HMCN1: variants seen among roughly 807,000 people sequenced by gnomAD.
HMCN1 encodes the protein hemicentin-1.
HMCN1 carries 321 observed loss-of-function variants against 625.9 expected under a neutral mutation model. The observed-to-expected ratio is 0.51, with a 90% CI of 0.47 to 0.56. The LOEUF (loss-of-function observed/expected upper bound fraction) is 0.56, where lower values mean the gene tolerates loss of function less well. HMCN1 is among the 20% of genes least tolerant of loss of function. The pLI is 0.00. For synonymous variants in HMCN1, 2,425 were observed against 2,417.6 expected (o/e 1.00, Z -0.09); for missense variants, 6,588 against 6,887.3 (o/e 0.96, Z 1.54).
Position 186,114,826 on chromosome 1 carries a change from A to G in HMCN1, c.11284A>G (p.Ile3762Val), listed in dbSNP as rs1329835435. ...TTGTGATTTCTCTTGTAGATATTCC[A>G]TCTTGGAAAATGGATTCCTTCATAT... ...VLAGNHARYS[I>V]LENGFLHIQS... is the part of the protein sequence containing the mutation. Residue 3762 changes from isoleucine (I) to valine (V), a missense_variant, in exon 74 of 107, where the codon ATC (isoleucine) becomes GTC (valine). Ile to Val is a conservative substitution (Grantham distance 29). Transcript: ENST00000271588. The G allele has an allele frequency of 3.1e-6, 5 of 1,614,082 alleles. No homozygotes were observed. The highest frequency in any genetic ancestry group is 4.2e-6 in the Non-Finnish European group (5 of 1,180,022).
At chr1:185,752,331 CA>C (rs890476249) in intron 1 of HMCN1, among the ~76,000 whole-genome samples, 6 of 151,540 alleles carry the variant, frequency 4.0e-5, no homozygotes, top group Non-Finnish European at 7.4e-5. Flanking sequence ...GCTCTCTGAC[CA>C]AAAAAAGGCT....
chr1:185,940,527 A>T (rs538240676), intron 11 of HMCN1, among the ~76,000 whole-genome samples: 74 of 152,340 alleles, frequency 4.9e-4, no homozygotes, highest in African/African-American at 1.7e-3. Flanking sequence ...ATATGTAGAA[A>T]AAAATAGACC....
intron 6 of HMCN1, among the ~76,000 whole-genome samples, chr1:185,913,822 T>C (rs1328647116): frequency 1.3e-5 from 2 of 152,192 alleles, no homozygotes; most frequent in African/African-American, 4.8e-5. Flanking sequence ...GGCCATGTTC[T>C]GTGCTACTTA....
intron 1 of HMCN1, among the ~76,000 whole-genome samples, chr1:185,820,341 A>G (rs1660109444): frequency 6.6e-6 from 1 of 152,136 alleles, no homozygotes; most frequent in African/African-American, 2.4e-5. Context: ...ATCAGGTCAT[A>G]GAGTATTTGA....
At chr1:185,992,657 C>T (rs1028061254) in intron 22 of HMCN1, among the ~76,000 whole-genome samples, 31 of 152,102 alleles carry the variant, frequency 2.0e-4, no homozygotes, top group African/African-American at 7.2e-4. Context: ...CTGCATTTGA[C>T]TTAGCTGTAT....
At chr1:186,181,274 TTTTAG>T (rs1321514531) in intron 104 of HMCN1, among the ~76,000 whole-genome samples, 3 of 152,158 alleles carry the variant, frequency 2.0e-5, no homozygotes, top group African/African-American at 7.2e-5. Flanking sequence ...CAAATTTTAA[TTTTAG>T]TTAAAGCAAA....
chr1:185,896,227 C>T (rs1004438848), intron 4 of HMCN1, among the ~76,000 whole-genome samples: 5 of 152,184 alleles, frequency 3.3e-5, no homozygotes, highest in East Asian at 1.9e-4. Context: ...TGAGCCACCG[C>T]GCCCGGCCAG....
intron 11 of HMCN1, among the ~76,000 whole-genome samples, chr1:185,956,319 C>A (rs1405712072): frequency 6.6e-6 from 1 of 152,118 alleles, no homozygotes; most frequent in Non-Finnish European, 1.5e-5. Flanking sequence ...AGATGGTCCA[C>A]CCACTTCTGA....
Position 185,957,617 on chromosome 1 carries a change from C to T in HMCN1, c.1829-4901C>T, listed in dbSNP as rs536773931. ...CTGAGCATATTCAGTGTGTAGCTGA[C>T]ATCTCCTGCATAATCACATGTTGTG... On this transcript the variant is annotated intron_variant, in intron 11 of 106. Transcript: ENST00000271588. Among the ~76,000 whole-genome samples the T allele has an allele frequency of 2.6e-5, 4 of 152,268 alleles. No homozygotes were observed. The South Asian group carries it at 8.3e-4, about 32-fold the overall frequency.
chr1:186,075,523 A>T (rs1186354550), intron 53 of HMCN1, among the ~76,000 whole-genome samples: 1 of 152,186 alleles, frequency 6.6e-6, no homozygotes, highest in East Asian at 1.9e-4. Flanking sequence ...CTCATTTGTA[A>T]CATGACTGTC....
At chr1:185,847,324 A>G (rs1368681806) in intron 2 of HMCN1, among the ~76,000 whole-genome samples, 2 of 152,168 alleles carry the variant, frequency 1.3e-5, no homozygotes, top group African/African-American at 4.8e-5. Context: ...ACCTAACTCA[A>G]ATGGACTCTT....
rs540693575 is a variant in HMCN1 at position 186,127,694 on chromosome 1, A to G, written c.12691-384A>G. On this transcript the variant is annotated intron_variant, in intron 82 of 106. Coordinates refer to ENST00000271588, the MANE Select transcript of HMCN1 (RefSeq NM_031935.3). ...CCTTTCTCTTACCATTTCCTCTGAT[A>G]GTTTTGTTGATCTTTGGTACCGCCT... Among the ~76,000 whole-genome samples, 17 of 152,256 alleles carry G rather than the reference A, an allele frequency of 1.1e-4. No homozygotes were observed. In the South Asian group the frequency reaches 3.5e-3, roughly 32 times the overall value.
intron 10 of HMCN1, among the ~76,000 whole-genome samples, chr1:185,932,093 C>G (rs923492759): frequency 6.6e-6 from 1 of 152,054 alleles, no homozygotes; most frequent in Non-Finnish European, 1.5e-5. Context: ...ACAAAGTGTC[C>G]TGCATTTTAC....
At chr1:185,867,070 G>C (rs370940794) in intron 4 of HMCN1, among the ~76,000 whole-genome samples, 1 of 151,928 alleles carries the variant, frequency 6.6e-6, no homozygotes, top group South Asian at 2.1e-4. Flanking sequence ...ATTATATCAA[G>C]GTGGAACTAA....
intron 96 of HMCN1, 98 bp downstream of exon 96, chr1:186,152,969 G>GA: frequency 6.8e-7 from 1 of 1,467,558 alleles, no homozygotes; most frequent in South Asian, 1.1e-5. Context: ...CTCTGTGGGG[G>GA]AAAATGTCCA....
chr1:186,012,285 G>T (rs913685582), intron 30 of HMCN1, among the ~76,000 whole-genome samples: 1 of 150,310 alleles, frequency 6.7e-6, no homozygotes, highest in Non-Finnish European at 1.5e-5. Flanking sequence ...AATCTTAAAA[G>T]ATTCTGCTTC....
chr1:185,955,581 A>G (rs1367203679), intron 11 of HMCN1, among the ~76,000 whole-genome samples: 1 of 152,232 alleles, frequency 6.6e-6, no homozygotes, highest in Non-Finnish European at 1.5e-5. Context: ...CTTTCATATC[A>G]TAAAATATTA....
chr1:186,182,067 A>G, intron 104 of HMCN1, 101 bp from the exon 105 acceptor site: 1 of 1,306,428 alleles, frequency 7.7e-7, no homozygotes, highest in Non-Finnish European at 1.1e-6. Flanking sequence ...ATCACCAAGA[A>G]GTTTTTCTAA....
At chr1:186,065,785 G>A (rs570659957) in intron 49 of HMCN1, among the ~76,000 whole-genome samples, 4 of 152,014 alleles carry the variant, frequency 2.6e-5, no homozygotes, top group Non-Finnish European at 4.4e-5. Context: ...AGCCATTATT[G>A]GAAATTGGCC....
Sources: gnomAD v4.1 joint callset for allele counts (sites outside exome capture counted in the v4.1 genomes callset) on GRCh38, gnomAD v4.1.1 for gene constraint, MANE v1.5 for transcripts, NCBI Gene and HGNC (gene_info 2026-07-23, HGNC 2026-07-21) for gene names.